The following TNRC18 variants were observed in gnomAD, a reference collection of about 807,000 sequenced individuals.
TNRC18 encodes trinucleotide repeat-containing gene 18 protein.
A neutral mutation model predicts 226.7 loss-of-function variants in TNRC18; 69 were observed. The observed-to-expected ratio is 0.30, with a 90% CI of 0.25 to 0.37. TNRC18 has a LOEUF of 0.37. Among genes scored for constraint, TNRC18 ranks in the 10% least tolerant of loss-of-function variants. The pLI, the probability that TNRC18 is intolerant of heterozygous loss-of-function variation, is 1.00. For synonymous variants in TNRC18, 2,449 were observed against 1,927.6 expected (o/e 1.27, Z -7.09); for missense variants, 4,754 against 4,256.6 (o/e 1.12, Z -3.25).
At chr7:5,359,349 A>AG (rs751052695) in intron 15 of TNRC18, 49 bp downstream of exon 15, 1 of 1,604,562 alleles carries the variant, frequency 6.2e-7, no homozygotes, top group South Asian at 1.1e-5. Context: ...CACACCCTCC[A>AG]GACACCTCCC....
chr7:5,421,406 C>T lies in TNRC18; in HGVS notation c.-160G>A, dbSNP rs1782579934. 8.9e-6 allele frequency: 5 copies of T among 559,084 alleles called. No individual in the cohort carries two copies. In the South Asian group the frequency reaches 3.8e-4, roughly 42 times the overall value. 34.6% of individuals were successfully genotyped at this position (559,084 alleles called of 1,614,324 possible). A position where few individuals can be genotyped will look rare whatever the true frequency, so the allele number is the denominator to read the frequency against. On this transcript the variant is annotated 5_prime_UTR_variant, in exon 2 of 30. Transcript: ENST00000430969. Reference sequence around the variant, plus strand: ...GCGGGGCTTGCGCTCGGCGGCGGGCCCGCGGCCCGGGGCGCACAGGCGGCC... The same window carrying T: ...GCGGGGCTTGCGCTCGGCGGCGGGCTCGCGGCCCGGGGCGCACAGGCGGCC...
intron 9 of TNRC18, among the ~76,000 whole-genome samples, chr7:5,375,590 T>C (rs150131550): frequency 3.3e-5 from 5 of 152,196 alleles, no homozygotes; most frequent in South Asian, 2.1e-4. Context: ...AGCAGACCCT[T>C]TGTGTCCCCT....
At position 5,388,273 on chromosome 7, in the gene TNRC18, G is replaced by T. The variant is rs566505645; in HGVS notation, c.1551C>A (p.Asn517Lys). The T allele has an allele frequency of 1.1e-4, 173 of 1,609,234 alleles. 1 individual carries two copies. The South Asian group carries it at 1.8e-3, about 17-fold the overall frequency. Residue 517 changes from asparagine to lysine, a missense_variant, in exon 5 of 30, where the codon AAC (asparagine) becomes AAA (lysine). Asn to Lys is a moderately conservative substitution (Grantham distance 94). Coordinates refer to ENST00000430969, the MANE Select transcript of TNRC18 (RefSeq NM_001080495.3). ...EHKWKPFELG[N>K]FAATQMAVLA... ...GCACGGCCATCTGCGTGGCGGCGAA[G>T]TTGCCCAGCTCGAAGGGTTTCCATT... is the stretch of plus-strand genomic sequence containing the variant.
chr7:5,357,040 G>C lies in TNRC18; in HGVS notation c.5070C>G (p.Ser1690=), dbSNP rs571683784. Residue 1690 remains serine (S), a synonymous_variant, in exon 16 of 30, where the codon TCC becomes TCG. Transcript: ENST00000430969. ...LAKGLGLSLK[S]SREGKHKRAA... The stretch of plus-strand genomic sequence containing the variant: ...CCCTTTTGTGTTTACCTTCTCTGGA[G>C]GATTTCAGAGACAGGCCGAGGCCCT... 2.6e-6 allele frequency: 4 copies of C among 1,552,170 alleles called. No homozygotes were observed. The African/African-American group carries it at 5.5e-5, about 21-fold the overall frequency.
chr7:5,320,614 G>C lies in TNRC18; in HGVS notation c.6561-7C>G. ...CTCCACCACCACGCGGTATCTGTAG[G>C]AGCAAACGAGGCGTGAGGTGGCAGA... On this transcript the variant is annotated splice_polypyrimidine_tract_variant and splice_region_variant and intron_variant, in intron 22 of 29. Coordinates refer to ENST00000430969, the MANE Select transcript of TNRC18 (RefSeq NM_001080495.3). The C allele has an allele frequency of 6.2e-7, 1 of 1,610,772 alleles. No homozygotes were observed. The highest frequency in any genetic ancestry group is 8.5e-7 in the Non-Finnish European group (1 of 1,179,412).
chr7:5,408,934 C>G, intron 2 of TNRC18, among the ~76,000 whole-genome samples: 1 of 152,088 alleles, frequency 6.6e-6, no homozygotes, highest in Non-Finnish European at 1.5e-5. Context: ...GGGTGTGGAC[C>G]AAAGGGAAAA....
chr7:5,311,532 A>T (rs1349160487), intron 27 of TNRC18, among the ~76,000 whole-genome samples: 3 of 152,208 alleles, frequency 2.0e-5, no homozygotes, highest in Non-Finnish European at 4.4e-5. Flanking sequence ...TGCCACACAC[A>T]ACAGGCTGTC....
chr7:5,378,083 T>C (rs1213751536), intron 5 of TNRC18, 59 bp from the exon 6 acceptor site: 19 of 1,443,856 alleles, frequency 1.3e-5, no homozygotes, highest in Admixed American at 1.8e-5. Flanking sequence ...CCCAGACCCA[T>C]TGGCCCCACT....
intron 1 of TNRC18, among the ~76,000 whole-genome samples, chr7:5,421,936 G>C (rs542268165): frequency 6.6e-6 from 1 of 152,342 alleles, no homozygotes; most frequent in South Asian, 2.1e-4. Context: ...TATCTGATCC[G>C]CAAAGTTTAA....
At position 5,388,819 on chromosome 7, in the gene TNRC18, C is replaced by T; in HGVS notation, c.1005G>A (p.Leu335=). 1 of 1,189,828 alleles carries T rather than the reference C, an allele frequency of 8.4e-7. No individual in the cohort carries two copies. The highest frequency in any genetic ancestry group is 1.0e-6 in the Non-Finnish European group (1 of 959,908). 73.7% of individuals were successfully genotyped at this position (1,189,828 alleles called of 1,614,324 possible). Residue 335 remains leucine (L), a synonymous_variant, in exon 5 of 30, where the codon CTG becomes CTA. Transcript: ENST00000430969. The part of the protein sequence containing the change: ...LPGPRPCPSP[L]PPPPAPPKGP... ...CCTTGGGGGGCGCGGGCGGCGGGGG[C>T]AGCGGTGAGGGGCAGGGGCGCGGCC...
chr7:5,332,843 C>T lies in TNRC18; in HGVS notation c.5926G>A (p.Gly1976Ser), dbSNP rs777483426. The T allele has an allele frequency of 3.6e-5, 54 of 1,509,006 alleles. No individual in the cohort carries two copies. Among genetic ancestry groups the T allele is most frequent in the Non-Finnish European group, 4.7e-5 (53 of 1,138,018 alleles). 93.5% of individuals were successfully genotyped at this position (1,509,006 alleles called of 1,614,324 possible). The change falls in exon 19 of 30, where the codon GGC becomes AGC. Residue 1976 changes from glycine to serine, a missense_variant. By Grantham distance (56) the Gly-to-Ser change is moderately conservative. Transcript: ENST00000430969. ...EKGRKARKLR[G>S]PKEPGFEAGP... ...GCCTCGAAGCCAGGCTCCTTGGGGC[C>T]CCGCAGCTTCCGGGCCTTGCGCCCC...
rs752177196 is a variant in TNRC18 at position 5,324,231 on chromosome 7, T to C, written c.6425A>G (p.Glu2142Gly). ...DEHLPRGGAVERPLTPAPRSC... is the reference protein window; with the variant it reads ...DEHLPRGGAVGRPLTPAPRSC... ...CCACTCACCCGGGGTCAGCGGCCGC[T>C]CCACAGCCCCGCCACGCGGCAGGTG... The change falls in exon 21 of 30, where the codon GAG (glutamate) becomes GGG (glycine). Residue 2142 changes from glutamate (E) to glycine (G), a missense_variant. Coordinates refer to ENST00000430969, the MANE Select transcript of TNRC18 (RefSeq NM_001080495.3). This position sits in a 1 kb window ranked among gnomAD's most constrained non-coding sequence, Gnocchi z 4.8. The C allele has an allele frequency of 1.2e-6, 2 of 1,608,762 alleles. No individual in the cohort carries two copies. Among genetic ancestry groups the C allele is most frequent in the Non-Finnish European group, 1.7e-6 (2 of 1,178,536 alleles).
chr7:5,383,583 A>G (rs1225357511), intron 5 of TNRC18, among the ~76,000 whole-genome samples: 2 of 152,182 alleles, frequency 1.3e-5, no homozygotes, highest in Admixed American at 1.3e-4. Context: ...GGCTCGCTCC[A>G]AAAAGCAAGA....
At chr7:5,315,350 T>A (rs898608359) in intron 25 of TNRC18, among the ~76,000 whole-genome samples, 1 of 151,828 alleles carries the variant, frequency 6.6e-6, no homozygotes, top group Non-Finnish European at 1.5e-5. Context: ...GGCTCCCGAA[T>A]AATGAAGTAA....
chr7:5,332,130 G>A (rs939221332), intron 19 of TNRC18, among the ~76,000 whole-genome samples: 1 of 152,126 alleles, frequency 6.6e-6, no homozygotes, highest in African/African-American at 2.4e-5. Context: ...AGAAAAGAGA[G>A]TAAGGACCTC....
chr7:5,327,388 T>C lies in TNRC18; in HGVS notation c.6148-2140A>G, dbSNP rs1316619880. Among the ~76,000 whole-genome samples the C allele has an allele frequency of 3.7e-4, 54 of 145,454 alleles. No homozygotes were observed. In the South Asian group the frequency reaches 3.9e-3, roughly 10 times the overall value. On this transcript the variant is annotated intron_variant, in intron 19 of 29. Coordinates refer to ENST00000430969, the MANE Select transcript of TNRC18 (RefSeq NM_001080495.3). ...GTGTTTGTGCGTGTGTGTGTGTGTG[T>C]GTGTGTGTGTGTGTGTGTGTGTGTC...
Position 5,376,124 on chromosome 7 carries a change from T to G in TNRC18, c.2709A>C (p.Ser903=). 1 of 1,589,848 alleles carries G rather than the reference T, an allele frequency of 6.3e-7. No individual in the cohort carries two copies. Among genetic ancestry groups the G allele is most frequent in the South Asian group, 1.1e-5 (1 of 87,274 alleles). The change falls in exon 9 of 30, where the codon TCA becomes TCC. Residue 903 remains serine (S), a synonymous_variant. Coordinates refer to ENST00000430969, the MANE Select transcript of TNRC18 (RefSeq NM_001080495.3). The stretch of plus-strand genomic sequence containing the variant: ...CCTGCTGCCGCAGGAAGTGCTGCTG[T>G]GAGAAGAGCTGCAGCTGCTGGGCGT... The part of the protein sequence containing the change: ...LHHAQQLQLF[S]QQHFLRQQEF...
At position 5,332,660 on chromosome 7, in the gene TNRC18, C is replaced by G; in HGVS notation, c.6109G>C (p.Asp2037His). 6.5e-7 allele frequency: 1 copy of G among 1,531,684 alleles called. No homozygotes were observed. Among genetic ancestry groups the G allele is most frequent in the Non-Finnish European group, 8.8e-7 (1 of 1,141,638 alleles). 94.9% of individuals were successfully genotyped at this position (1,531,684 alleles called of 1,614,324 possible). ...TTCCTGTCCTTTGCACGCCCGGCGT[C>G]CTTGCGCGGGCTCAGGGGGCCGCCC... ...AKGGPLSPRK[D>H]AGRAKDRKDP... is the part of the protein sequence containing the mutation. The change falls in exon 19 of 30, where the codon GAC (aspartate) becomes CAC (histidine). Residue 2037 changes from aspartate to histidine, a missense_variant. Coordinates refer to ENST00000430969, the MANE Select transcript of TNRC18 (RefSeq NM_001080495.3).
chr7:5,355,771 G>A (rs1792302372), intron 16 of TNRC18, among the ~76,000 whole-genome samples: 2 of 152,062 alleles, frequency 1.3e-5, no homozygotes, highest in African/African-American at 4.8e-5. Flanking sequence ...CCAGCTACTC[G>A]GAGGGCTAAG....
Sources: gnomAD v4.1 joint callset for allele counts (sites outside exome capture counted in the v4.1 genomes callset) on GRCh38, gnomAD v4.1.1 for gene constraint, Gnocchi (gnomAD v3.1) non-coding constraint, MANE v1.5 for transcripts, NCBI Gene and HGNC (gene_info 2026-07-23, HGNC 2026-07-21) for gene names.